THTPA: variants seen among roughly 807,000 people sequenced by gnomAD.
THTPA encodes the protein thiamine triphosphatase, also known as thiamine-triphosphatase.
A neutral mutation model predicts 16.5 loss-of-function variants in THTPA; 16 were observed. The observed-to-expected ratio is 0.97, with a 90% CI of 0.66 to 1.47. The LOEUF (loss-of-function observed/expected upper bound fraction) is 1.47, where lower values mean the gene tolerates loss of function less well. Among genes scored for constraint, THTPA ranks in the 40% most tolerant of loss-of-function variants. The probability of loss-of-function intolerance (pLI) is 0.00; values close to 1 mark genes in which losing one functional copy is unlikely to be tolerated. For missense variants in THTPA, 281 were observed against 280.9 expected, an observed-to-expected ratio of 1.00 and a Z score of 0.00; for synonymous variants, 110 against 115.5, an observed-to-expected ratio of 0.95 and a Z score of 0.30.
Position 23,556,684 on chromosome 14 carries a change from G to A in THTPA, c.-74G>A, listed in dbSNP as rs1354000746. 6 of 1,496,986 alleles carry A rather than the reference G, an allele frequency of 4.0e-6. No homozygotes were observed. In the East Asian group the frequency reaches 1.2e-4, roughly 29 times the overall value. The allele number at this position is 1,496,986 out of a possible 1,614,324, so 92.7% of individuals were successfully genotyped here. ...GGGAGGGGTTCTGTACTGAGTTGAC[G>A]CCCCAGGAGCTGAGCACCAGGCTTT... On this transcript the variant is annotated 5_prime_UTR_variant, in exon 1 of 2. Coordinates refer to ENST00000288014, the MANE Select transcript of THTPA (RefSeq NM_024328.6).
chr14:23,551,081 C>G (rs1881903571), upstream of THTPA, among the ~76,000 whole-genome samples: 1 of 152,020 alleles, frequency 6.6e-6, no homozygotes, highest in Non-Finnish European at 1.5e-5. The surrounding 1 kb of genome is among the most constrained non-coding windows in gnomAD (Gnocchi z 5.3). Context: ...CCCTCCACCC[C>G]CGCATCTCTC....
chr14:23,536,785 C>T, the THTPA span, among the ~76,000 whole-genome samples: 1 of 152,178 alleles, frequency 6.6e-6, no homozygotes, highest in Non-Finnish European at 1.5e-5. Flanking sequence ...GACTCCTCCA[C>T]CCAGCTAGAC....
In THTPA at chr14:23,559,990, G is replaced by A; in HGVS notation, c.*1150G>A. On this transcript the variant is annotated 3_prime_UTR_variant, in exon 2 of 2. Coordinates refer to ENST00000288014, the MANE Select transcript of THTPA (RefSeq NM_024328.6). Reference sequence around the variant, plus strand: ...CTGGGTGATAGGAAGGCCACCCCGAGCTGGAACTGTGTTCCCACTGGGGGC... The same window carrying A: ...CTGGGTGATAGGAAGGCCACCCCGAACTGGAACTGTGTTCCCACTGGGGGC... 1 of 1,613,024 alleles carries A rather than the reference G, an allele frequency of 6.2e-7. No homozygotes were observed. The highest frequency in any genetic ancestry group is 2.2e-5 in the East Asian group (1 of 44,876).
the THTPA span, chr14:23,543,221 C>G: frequency 2.6e-5 from 4 of 152,244 alleles, no homozygotes; most frequent in Non-Finnish European, 5.9e-5. Context: ...TATCACATCA[C>G]CTAATCCTCC....
the THTPA span, among the ~76,000 whole-genome samples, chr14:23,518,523 T>C: frequency 6.6e-6 from 1 of 152,232 alleles, no homozygotes; most frequent in Non-Finnish European, 1.5e-5. This position sits in a 1 kb window ranked among gnomAD's most constrained non-coding sequence, Gnocchi z 4.5. Context: ...GCAATCTTTT[T>C]GTTCCTAGTT....
At chr14:23,532,256 T>TGGA in the THTPA span, 2 of 256,360 alleles carry the variant, frequency 7.8e-6, no homozygotes, top group Non-Finnish European at 1.5e-5. Flanking sequence ...AGCATGCAAA[T>TGGA]GGAGTCTGGT....
the THTPA span, among the ~76,000 whole-genome samples, chr14:23,516,038 G>T: frequency 6.6e-6 from 1 of 152,234 alleles, no homozygotes; most frequent in African/African-American, 2.4e-5. Context: ...TAGCCCCTGG[G>T]GTAGCAGGGT....
the THTPA span, among the ~76,000 whole-genome samples, chr14:23,546,071 T>C: frequency 6.6e-6 from 1 of 152,184 alleles, no homozygotes; most frequent in Non-Finnish European, 1.5e-5. The surrounding 1 kb of genome is among the most constrained non-coding windows in gnomAD (Gnocchi z 4.7). Context: ...GAAATGTGCA[T>C]ACATGAAGTT....
the THTPA span, chr14:23,526,374 G>T: frequency 1.3e-6 from 2 of 1,536,358 alleles, no homozygotes; most frequent in South Asian, 2.4e-5. Flanking sequence ...CACTTATAGG[G>T]CCGGGCAGGG....
chr14:23,520,398 G>A, the THTPA span, among the ~76,000 whole-genome samples: 1 of 151,756 alleles, frequency 6.6e-6, no homozygotes, highest in Non-Finnish European at 1.5e-5. The surrounding 1 kb of genome is among the most constrained non-coding windows in gnomAD (Gnocchi z 8.7). Flanking sequence ...GGCCTCCAGG[G>A]GGGCAGCAGG....
the THTPA span, chr14:23,533,886 G>A: frequency 2.0e-5 from 30 of 1,537,960 alleles, no homozygotes; most frequent in Non-Finnish European, 2.4e-5. The surrounding 1 kb of genome is among the most constrained non-coding windows in gnomAD (Gnocchi z 4.8). Flanking sequence ...TGCAGTGACT[G>A]TTGCTCTCAG....
Position 23,556,856 on chromosome 14 carries a change from C to T in THTPA, c.99C>T (p.Val33=). 1 of 1,613,190 alleles carries T rather than the reference C, an allele frequency of 6.2e-7. No individual in the cohort carries two copies. The highest frequency in any genetic ancestry group is 8.5e-7 in the Non-Finnish European group (1 of 1,179,592). The change falls in exon 1 of 2, where the codon GTC becomes GTT. Residue 33 remains valine (V), a synonymous_variant. Transcript: ENST00000288014. Reference sequence around the variant, plus strand: ...TGGGGGGCACCCTGGAGTACCGGGTCACCTTCCGAGACACCTACTATGACA... The same window carrying T: ...TGGGGGGCACCCTGGAGTACCGGGTTACCTTCCGAGACACCTACTATGACA... The part of the protein sequence containing the change: ...QELGGTLEYR[V]TFRDTYYDTP...
chr14:23,544,130 C>T, the THTPA span: 1 of 152,134 alleles, frequency 6.6e-6, no homozygotes, highest in East Asian at 1.9e-4. Flanking sequence ...TGGCATGCAC[C>T]TGTAATCCCA....
chr14:23,516,907 G>T, the THTPA span, among the ~76,000 whole-genome samples: 2 of 152,334 alleles, frequency 1.3e-5, no homozygotes, highest in East Asian at 3.9e-4. Flanking sequence ...AGCCCCTGCT[G>T]ATTACTGGTT....
At chr14:23,530,265 A>G in the THTPA span, 2 of 1,136,588 alleles carry the variant, frequency 1.8e-6, no homozygotes, top group Non-Finnish European at 2.5e-6. Flanking sequence ...AGGACAGAGG[A>G]AGCAGGACAA....
chr14:23,555,998 C>T (rs1388736020), upstream of THTPA: 1 of 152,292 alleles, frequency 6.6e-6, no homozygotes, highest in Non-Finnish European at 1.5e-5. Flanking sequence ...CATCATGCAT[C>T]CGCGCCTCGG....
rs760379748 is a variant in THTPA at position 23,557,087 on chromosome 14, G to A, written c.330G>A (p.Leu110=). ...GLGAGDVAAV[L]GPLGLQEVAS... is the part of the protein sequence containing the mutation. ...GGGCTGGAGATGTGGCTGCTGTGCT[G>A]GGCCCACTGGGGCTGCAGGAAGTAG... Residue 110 remains leucine, a synonymous_variant, in exon 1 of 2, where the codon CTG becomes CTA. Coordinates refer to ENST00000288014, the MANE Select transcript of THTPA (RefSeq NM_024328.6). The A allele has an allele frequency of 1.2e-4, 188 of 1,614,104 alleles. No homozygotes were observed. Among genetic ancestry groups the A allele is most frequent in the Non-Finnish European group, 1.5e-4 (181 of 1,180,052 alleles).
At chr14:23,553,101 G>A (rs1268102948), upstream of THTPA, among the ~76,000 whole-genome samples, 1 of 152,204 alleles carries the variant, frequency 6.6e-6, no homozygotes, top group African/African-American at 2.4e-5. Context: ...GTAAGTGACA[G>A]TGCCAGGACT....
the THTPA span, among the ~76,000 whole-genome samples, chr14:23,549,818 AC>A: frequency 6.6e-6 from 1 of 152,092 alleles, no homozygotes; most frequent in Non-Finnish European, 1.5e-5. Flanking sequence ...CACAAACCAT[AC>A]CCCACACCTC....
Sources: gnomAD v4.1 joint callset for allele counts (sites outside exome capture counted in the v4.1 genomes callset) on GRCh38, gnomAD v4.1.1 for gene constraint, Gnocchi (gnomAD v3.1) non-coding constraint, MANE v1.5 for transcripts, NCBI Gene and HGNC (gene_info 2026-07-23, HGNC 2026-07-21) for gene names.